ADAMTS17: variants seen among roughly 807,000 people sequenced by gnomAD.
The protein encoded by ADAMTS17 is A disintegrin and metalloproteinase with thrombospondin motifs 17.
In ADAMTS17, 113 loss-of-function variants were observed where a neutral mutation model predicts 141.5. That is an observed-to-expected ratio of 0.80 (90% CI 0.69 to 0.93). The LOEUF is 0.93. Ranked by LOEUF, ADAMTS17 falls within the 40% of genes least tolerant of loss-of-function variation. ADAMTS17 has a pLI of 0.00. For missense variants in ADAMTS17, 1,659 were observed against 1,517.9 expected (o/e 1.09, Z -1.54); for synonymous variants, 768 against 630.6 (o/e 1.22, Z -3.27).
intron 7 of ADAMTS17, among the ~76,000 whole-genome samples, chr15:100,200,625 T>C (rs893579273): frequency 2.0e-5 from 3 of 152,194 alleles, no homozygotes; most frequent in African/African-American, 7.2e-5. Flanking sequence ...ATGGGGTGGC[T>C]ATAGGAGCTC....
chr15:100,082,732 A>G (rs2034831125), intron 15 of ADAMTS17, among the ~76,000 whole-genome samples: 1 of 146,316 alleles, frequency 6.8e-6, no homozygotes, highest in Non-Finnish European at 1.5e-5. Context: ...TTATTAGAGA[A>G]CTTATATTAT....
chr15:100,131,992 G>A lies in ADAMTS17; in HGVS notation c.1721+15C>T. ...AATCGTGGCACGTTGGGGTATGGCT[G>A]GTCAGGGGACTTACGGGGGGTTGTC... On this transcript the variant is annotated intron_variant, in intron 12 of 21. Transcript: ENST00000268070. The A allele has an allele frequency of 3.1e-6, 5 of 1,614,242 alleles. No homozygotes were observed. Among genetic ancestry groups the A allele is most frequent in the Non-Finnish European group, 4.2e-6 (5 of 1,180,056 alleles).
intron 15 of ADAMTS17, among the ~76,000 whole-genome samples, chr15:100,064,120 A>G (rs1488996720): frequency 1.3e-5 from 2 of 152,166 alleles, no homozygotes; most frequent in Non-Finnish European, 2.9e-5. Context: ...TCCTTATAAA[A>G]AGGGGAAGTT....
At chr15:100,065,719 T>G (rs551221932) in intron 15 of ADAMTS17, among the ~76,000 whole-genome samples, 2 of 152,264 alleles carry the variant, frequency 1.3e-5, no homozygotes, top group Admixed American at 6.5e-5. Flanking sequence ...TTGTTTAAAT[T>G]TTACTTTAAG....
At chr15:99,998,656 T>C (rs1011606241) in intron 18 of ADAMTS17, among the ~76,000 whole-genome samples, 1 of 152,272 alleles carries the variant, frequency 6.6e-6, no homozygotes, top group Admixed American at 6.5e-5. Flanking sequence ...GATAGCCTGA[T>C]GATCCGATGC....
chr15:100,125,109 C>A (rs140852278), intron 12 of ADAMTS17, among the ~76,000 whole-genome samples: 1 of 152,220 alleles, frequency 6.6e-6, no homozygotes, highest in Non-Finnish European at 1.5e-5. Context: ...ACGCTCAGTA[C>A]AAACCTGGCA....
At chr15:100,318,083 T>C (rs1267045898) in intron 3 of ADAMTS17, among the ~76,000 whole-genome samples, 1 of 152,106 alleles carries the variant, frequency 6.6e-6, no homozygotes, top group African/African-American at 2.4e-5. Context: ...CCTCCATCAA[T>C]GACTGAGGTG....
intron 12 of ADAMTS17, among the ~76,000 whole-genome samples, chr15:100,123,580 C>T (rs1265370587): frequency 6.6e-6 from 1 of 152,238 alleles, no homozygotes; most frequent in African/African-American, 2.4e-5. Flanking sequence ...GCAAGAGGCA[C>T]TTTCACATAA....
At chr15:100,148,807 C>T (rs1216845666) in intron 10 of ADAMTS17, among the ~76,000 whole-genome samples, 2 of 150,578 alleles carry the variant, frequency 1.3e-5, no homozygotes, top group African/African-American at 4.9e-5. Flanking sequence ...CAGGGTAGGC[C>T]TCATTGAGAA....
chr15:100,162,129 C>A (rs1024792086), intron 8 of ADAMTS17, among the ~76,000 whole-genome samples: 1 of 152,036 alleles, frequency 6.6e-6, no homozygotes, highest in African/African-American at 2.4e-5. Context: ...AACATCATAG[C>A]AGGTAAATAT....
At chr15:100,278,341 A>C (rs1378240096) in intron 4 of ADAMTS17, among the ~76,000 whole-genome samples, 2 of 151,988 alleles carry the variant, frequency 1.3e-5, no homozygotes, top group Admixed American at 1.3e-4. Context: ...AAAAAAAAAA[A>C]AACCCAGAAA....
chr15:100,293,513 T>C (rs533172452), intron 3 of ADAMTS17, among the ~76,000 whole-genome samples: 2 of 152,190 alleles, frequency 1.3e-5, no homozygotes, highest in Non-Finnish European at 2.9e-5. Context: ...ACCGTGGGAA[T>C]GGCAAAACCT....
chr15:100,062,344 G>A (rs2033187353), intron 15 of ADAMTS17, among the ~76,000 whole-genome samples: 1 of 152,184 alleles, frequency 6.6e-6, no homozygotes, highest in Non-Finnish European at 1.5e-5. Flanking sequence ...CTTGGGACAG[G>A]GGGGGATCCA....
chr15:100,220,363 C>G (rs2042095365), intron 7 of ADAMTS17, among the ~76,000 whole-genome samples: 1 of 142,500 alleles, frequency 7.0e-6, no homozygotes. Context: ...GTCTTTGCCA[C>G]CTTTCTTCTT....
At chr15:100,024,159 T>C (rs1163641070) in intron 18 of ADAMTS17, among the ~76,000 whole-genome samples, 1 of 152,208 alleles carries the variant, frequency 6.6e-6, no homozygotes, top group Non-Finnish European at 1.5e-5. Context: ...AGTGGTACAA[T>C]TCAGCTCAGT....
chr15:100,340,187 A>C (rs553428422), intron 2 of ADAMTS17, among the ~76,000 whole-genome samples: 1 of 152,210 alleles, frequency 6.6e-6, no homozygotes, highest in African/African-American at 2.4e-5. Flanking sequence ...ACGATGGAGA[A>C]GCTGAGTGCT....
chr15:100,169,576 G>T (rs573267984), intron 8 of ADAMTS17, among the ~76,000 whole-genome samples: 8 of 152,196 alleles, frequency 5.3e-5, no homozygotes, highest in Non-Finnish European at 1.0e-4. Context: ...GCTTGAGCCC[G>T]GGCAGCCCAT....
chr15:100,078,531 T>A lies in ADAMTS17; in HGVS notation c.2137+17825A>T, dbSNP rs911741951. Among the ~76,000 whole-genome samples the A allele has an allele frequency of 2.0e-5, 3 of 151,340 alleles. No homozygotes were observed. The East Asian group carries it at 5.8e-4, about 29-fold the overall frequency. On this transcript the variant is annotated intron_variant, in intron 15 of 21. Coordinates refer to ENST00000268070, the MANE Select transcript of ADAMTS17 (RefSeq NM_139057.4). ...GATATCCATATGCGAAAGGATGAAG[T>A]TGTACACCTATTTCAGACCATACAA...
chr15:100,092,992 A>G (rs2035559810), intron 15 of ADAMTS17, among the ~76,000 whole-genome samples: 1 of 152,238 alleles, frequency 6.6e-6, no homozygotes, highest in African/African-American at 2.4e-5. Flanking sequence ...CTAGGTTCAG[A>G]TAACTCAGCT....
Sources: allele counts gnomAD v4.1 joint callset (sites outside exome capture counted in the v4.1 genomes callset), GRCh38; gene constraint gnomAD v4.1.1; transcripts MANE v1.5; gene names NCBI Gene and HGNC (gene_info 2026-07-23, HGNC 2026-07-21).